The following DYNC2H1 variants were observed in gnomAD, a reference collection of about 807,000 sequenced individuals.
The protein encoded by DYNC2H1 is dynein cytoplasmic 2 heavy chain 1.
DYNC2H1 carries 410 observed loss-of-function variants against 570.0 expected under a neutral mutation model. That is an observed-to-expected ratio of 0.72 (90% CI 0.66 to 0.78). The LOEUF (loss-of-function observed/expected upper bound fraction) is 0.78, where lower values mean the gene tolerates loss of function less well. DYNC2H1 is among the 30% of genes least tolerant of loss of function. DYNC2H1 has a pLI of 0.00. For missense variants in DYNC2H1, 4,865 were observed against 5,046.4 expected, an observed-to-expected ratio of 0.96 and a Z score of 1.09; for synonymous variants, 1,688 against 1,677.6, an observed-to-expected ratio of 1.01 and a Z score of -0.15.
At position 103,113,717 on chromosome 11, in the gene DYNC2H1, G is replaced by T; in HGVS notation, c.366+10G>T. 1.3e-6 allele frequency: 2 copies of T among 1,492,944 alleles called. No homozygotes were observed. The highest frequency in any genetic ancestry group is 1.5e-5 in the South Asian group (1 of 67,710). The allele number at this position is 1,492,944 out of a possible 1,614,324, so 92.5% of individuals were successfully genotyped here. On this transcript the variant is annotated intron_variant, in intron 2 of 88. Transcript: ENST00000375735. ...ACCAATGTTGTTAAAGGTGAGAAAA[G>T]AAGCTGTCATTTTTTTTAACTGAGG... is the stretch of plus-strand genomic sequence containing the variant.
At chr11:103,429,070 G>A (rs918322747) in intron 84 of DYNC2H1, among the ~76,000 whole-genome samples, 3 of 151,936 alleles carry the variant, frequency 2.0e-5, no homozygotes, top group Non-Finnish European at 2.9e-5. Flanking sequence ...AGACCAGCCT[G>A]GGCAACATGG....
chr11:103,311,841 A>AT, intron 78 of DYNC2H1, 37 bp from the exon 79 acceptor site: 4 of 1,560,284 alleles, frequency 2.6e-6, no homozygotes, highest in Non-Finnish European at 3.5e-6. Context: ...TACTTGTAGG[A>AT]TTTTAGCAAT....
Position 103,121,401 on chromosome 11 carries a change from C to A in DYNC2H1, c.1390C>A (p.Arg464=). The A allele has an allele frequency of 6.2e-7, 1 of 1,611,390 alleles. No homozygotes were observed. Among genetic ancestry groups the A allele is most frequent in the South Asian group, 1.1e-5 (1 of 90,472 alleles). ...DFRLDFENRC[R]GIPGDASGPL... is the part of the protein sequence containing the mutation. ...TCGATTAGACTTTGAGAATCGGTGC[C>A]GAGGAATTCCTGGTGATGCATCTGG... Residue 464 remains arginine, a synonymous_variant, in exon 10 of 89, where the codon CGA becomes AGA. Transcript: ENST00000375735.
intron 79 of DYNC2H1, among the ~76,000 whole-genome samples, chr11:103,315,743 T>C (rs1349758644): frequency 6.6e-6 from 1 of 151,760 alleles, no homozygotes; most frequent in Admixed American, 6.6e-5. Context: ...CAGTTGCATA[T>C]GTATTTGAGT....
At chr11:103,235,586 C>A in intron 61 of DYNC2H1, 86 bp from the exon 62 acceptor site, 1 of 1,290,604 alleles carries the variant, frequency 7.7e-7, no homozygotes, top group Non-Finnish European at 1.0e-6. Flanking sequence ...TTTTCCCCCT[C>A]ACAGTCAAAA....
chr11:103,459,757 C>T (rs1944939993), intron 87 of DYNC2H1, among the ~76,000 whole-genome samples: 1 of 150,654 alleles, frequency 6.6e-6, no homozygotes. Flanking sequence ...TCGAGACCAT[C>T]CTGGCTAACA....
chr11:103,257,672 T>C lies in DYNC2H1; in HGVS notation c.10526T>C (p.Leu3509Ser). The stretch of plus-strand genomic sequence containing the variant: ...AAGATGTACTTCATTATTTCTGATT[T>C]GTCCAAAATTAATAACATGTACCGT... Reference protein sequence around the residue: ...ASKMYFIISDLSKINNMYRFS... With the variant: ...ASKMYFIISDSSKINNMYRFS... The change falls in exon 69 of 89, where the codon TTG (leucine) becomes TCG (serine). Residue 3509 changes from leucine (L) to serine (S), a missense_variant. Around this residue, in one of 5 missense-constraint regions of DYNC2H1, gnomAD observed 2,401 missense variants for 2,454.6 expected, o/e 0.98. Transcript: ENST00000375735. The C allele has an allele frequency of 6.2e-7, 1 of 1,613,300 alleles. No homozygotes were observed. Among genetic ancestry groups the C allele is most frequent in the Non-Finnish European group, 8.5e-7 (1 of 1,179,520 alleles).
In DYNC2H1 at chr11:103,314,982, T is replaced by C. The variant is rs143480330; in HGVS notation, c.11650-1563T>C. On this transcript the variant is annotated intron_variant, in intron 79 of 88. Transcript: ENST00000375735. ...ATTGTTAGAAAGTTTAGATAAATAT[T>C]AGAGGAATTTTGTTAATTGTTGATG... Among the ~76,000 whole-genome samples the C allele has an allele frequency of 6.5e-3, 995 of 152,244 alleles. 15 individuals carry two copies. Among genetic ancestry groups the C allele is most frequent in the African/African-American group, 0.023 (939 of 41,564 alleles).
chr11:103,128,334 A>T (rs895855267), intron 12 of DYNC2H1, among the ~76,000 whole-genome samples: 1 of 152,156 alleles, frequency 6.6e-6, no homozygotes, highest in Non-Finnish European at 1.5e-5. Flanking sequence ...AAGCAGAGAG[A>T]CCAGTTAGGA....
chr11:103,116,987 A>G (rs1175770276), intron 5 of DYNC2H1, among the ~76,000 whole-genome samples: 3 of 150,944 alleles, frequency 2.0e-5, no homozygotes, highest in Non-Finnish European at 3.0e-5. Flanking sequence ...CTGAAAAATT[A>G]TTTAAAATAT....
rs745582123 is a variant in DYNC2H1, at chr11:103,176,431, T to C, written c.5871T>C (p.Asn1957=). 1.3e-6 allele frequency: 2 copies of C among 1,517,440 alleles called. No homozygotes were observed. The highest frequency in any genetic ancestry group is 1.8e-6 in the Non-Finnish European group (2 of 1,137,618). 94.0% of individuals were successfully genotyped at this position (1,517,440 alleles called of 1,614,324 possible). Residue 1957 remains asparagine, a synonymous_variant, in exon 37 of 89, where the codon AAT becomes AAC. Coordinates refer to ENST00000375735, the MANE Select transcript of DYNC2H1 (RefSeq NM_001377.3). ...AGGCCAATTATGAAATTATACCCAATCAGGTAACTGTCAAGAATATTTTAT... is the reference window on the plus strand; with the variant it reads ...AGGCCAATTATGAAATTATACCCAACCAGGTAACTGTCAAGAATATTTTAT... The part of the protein sequence containing the change: ...FEEANYEIIP[N]QIKKALELYE...
intron 84 of DYNC2H1, among the ~76,000 whole-genome samples, chr11:103,414,482 G>A (rs924614577): frequency 1.3e-5 from 2 of 152,042 alleles, no homozygotes; most frequent in Non-Finnish European, 2.9e-5. Context: ...AGCTGGGCTT[G>A]GTGGCACGTG....
intron 84 of DYNC2H1, among the ~76,000 whole-genome samples, chr11:103,429,220 C>T (rs902583419): frequency 2.6e-5 from 4 of 151,676 alleles, no homozygotes; most frequent in Non-Finnish European, 5.9e-5. Context: ...ATGATCATGC[C>T]ACTGTACTCC....
In DYNC2H1 at chr11:103,133,701, T is replaced by G. The variant is rs745346890; in HGVS notation, c.2100T>G (p.Cys700Trp). 1.3e-6 allele frequency: 2 copies of G among 1,597,908 alleles called. No individual in the cohort carries two copies. The highest frequency in any genetic ancestry group is 2.3e-5 in the South Asian group (2 of 88,466). The change falls in exon 14 of 89, where the codon TGT (cysteine) becomes TGG (tryptophan). Residue 700 changes from cysteine (C) to tryptophan (W), a missense_variant. Coordinates refer to ENST00000375735, the MANE Select transcript of DYNC2H1 (RefSeq NM_001377.3). This position sits in a 1 kb window ranked among gnomAD's most constrained non-coding sequence, Gnocchi z 4.8. ...RKLRKWHTTF[C>W]EKVVVLMNID... ...TGAGAAAATGGCACACTACATTTTG[T>G]GAAAAGGTATATTTTGTTTATAAAA...
Position 103,154,440 on chromosome 11 carries a change from T to C in DYNC2H1, c.3303-11T>C, listed in dbSNP as rs1217665351. ...TTTTAAAATTTAATATTTCAATATT[T>C]GTTTCTATAGTGATGATTGCCATCA... On this transcript the variant is annotated splice_polypyrimidine_tract_variant and intron_variant, in intron 22 of 88. Transcript: ENST00000375735. 30 of 1,507,616 alleles carry C rather than the reference T, an allele frequency of 2.0e-5. No individual in the cohort carries two copies. The highest frequency in any genetic ancestry group is 2.6e-5 in the Non-Finnish European group (30 of 1,135,266). 93.4% of individuals were successfully genotyped at this position (1,507,616 alleles called of 1,614,324 possible).
rs561667407 is a variant in DYNC2H1, at chr11:103,110,159, G to A, written c.195+390G>A. On this transcript the variant is annotated intron_variant, in intron 1 of 88. Coordinates refer to ENST00000375735, the MANE Select transcript of DYNC2H1 (RefSeq NM_001377.3). ...TTCTCGTGCCTCAGCCTCCCGAGTA[G>A]CAGGCGCGCGCCGCCACGCCTGGCT... is the stretch of plus-strand genomic sequence containing the variant. 1.9e-4 allele frequency among the ~76,000 whole-genome samples: 29 copies of A among 152,166 alleles called. No individual in the cohort carries two copies. The East Asian group carries it at 5.4e-3, about 29-fold the overall frequency.
rs190460375 is a variant in DYNC2H1, at chr11:103,477,692, G to A, written c.12766-1403G>A. ...TAAAAATACAAAAAAGTGCCCAGGC[G>A]TGGTGGCAGGTGCCTGTAGTCCCAG... On this transcript the variant is annotated intron_variant, in intron 88 of 88. Coordinates refer to ENST00000375735, the MANE Select transcript of DYNC2H1 (RefSeq NM_001377.3). Among the ~76,000 whole-genome samples, 47 of 151,946 alleles carry A rather than the reference G, an allele frequency of 3.1e-4. No homozygotes were observed. In the East Asian group the frequency reaches 3.9e-3, roughly 13 times the overall value.
intron 83 of DYNC2H1, among the ~76,000 whole-genome samples, chr11:103,388,722 T>C (rs1942000311): frequency 6.6e-6 from 1 of 152,196 alleles, no homozygotes; most frequent in Non-Finnish European, 1.5e-5. Context: ...GTTGTTGAAT[T>C]TTGTCAAAGG....
At chr11:103,159,318 G>A (rs1023513241) in intron 28 of DYNC2H1, among the ~76,000 whole-genome samples, 33 of 151,980 alleles carry the variant, frequency 2.2e-4, no homozygotes, top group African/African-American at 8.0e-4. Context: ...CATCTAGGGC[G>A]ATATCTGAAG....
Sources: gnomAD v4.1 joint callset for allele counts (sites outside exome capture counted in the v4.1 genomes callset) on GRCh38, gnomAD v4.1.1 for gene constraint, gnomAD v4.1.1 regional missense constraint, Gnocchi (gnomAD v3.1) non-coding constraint, MANE v1.5 for transcripts, NCBI Gene and HGNC (gene_info 2026-07-23, HGNC 2026-07-21) for gene names.